STAB2: variants seen among roughly 807,000 people sequenced by gnomAD.
STAB2 encodes the protein stabilin-2.
In STAB2, 288 loss-of-function variants were observed where a neutral mutation model predicts 338.1. The observed-to-expected ratio is 0.85, with a 90% CI of 0.77 to 0.94. The LOEUF (loss-of-function observed/expected upper bound fraction) is 0.94. Ranked by LOEUF, STAB2 falls within the 40% of genes least tolerant of loss-of-function variation. STAB2 has a pLI of 0.00. For synonymous variants in STAB2, 1,202 were observed against 1,193.3 expected (o/e 1.01, Z -0.15); for missense variants, 3,141 against 3,210.1 (o/e 0.98, Z 0.52).
intron 68 of STAB2, chr12:103,765,928 A>G: frequency 2.7e-6 from 1 of 368,938 alleles, no homozygotes; most frequent in Admixed American, 3.7e-5. Context: ...AGTTTTTATA[A>G]TATTATTAGC....
intron 3 of STAB2, among the ~76,000 whole-genome samples, chr12:103,596,906 T>C (rs1413699433): frequency 8.0e-6 from 1 of 125,212 alleles, no homozygotes; most frequent in Non-Finnish European, 1.6e-5. Flanking sequence ...TGAGCCAAGA[T>C]CATGCCACTG....
At chr12:103,667,594 C>G (rs1218730043) in intron 19 of STAB2, among the ~76,000 whole-genome samples, 4 of 152,134 alleles carry the variant, frequency 2.6e-5, no homozygotes, top group Non-Finnish European at 4.4e-5. Flanking sequence ...AAAAGAAGCC[C>G]TCAAATCACC....
intron 12 of STAB2, 136 bp from the exon 13 acceptor site, chr12:103,654,419 G>A (rs1204572494): frequency 5.3e-6 from 5 of 940,430 alleles, no homozygotes; most frequent in Non-Finnish European, 7.7e-6. Context: ...CCCCACTTTA[G>A]ATTAAGTGAC....
intron 9 of STAB2, among the ~76,000 whole-genome samples, chr12:103,641,834 G>A (rs1425113297): frequency 6.6e-6 from 1 of 152,088 alleles, no homozygotes; most frequent in Non-Finnish European, 1.5e-5. Context: ...CAAATTGACT[G>A]TCTTCAGCCA....
intron 32 of STAB2, 25 bp from the exon 33 acceptor site, chr12:103,695,712 G>A (rs374979733): frequency 1.2e-6 from 2 of 1,613,924 alleles, no homozygotes; most frequent in African/African-American, 2.7e-5. Context: ...AATCCCTCAT[G>A]CACTCTTGTC....
At position 103,762,409 on chromosome 12, in the gene STAB2, G is replaced by A; in HGVS notation, c.7488+7G>A. 6.2e-7 allele frequency: 1 copy of A among 1,614,202 alleles called. No individual in the cohort carries two copies. Among genetic ancestry groups the A allele is most frequent in the Non-Finnish European group, 8.5e-7 (1 of 1,180,032 alleles). Reference sequence around the variant, plus strand: ...CGGCTTCCAGCATTTTGAGGTAAGAGAGAAAAATGGGAACATGATGATGGG... The same window carrying A: ...CGGCTTCCAGCATTTTGAGGTAAGAAAGAAAAATGGGAACATGATGATGGG... On this transcript the variant is annotated splice_region_variant and intron_variant, in intron 67 of 68. Coordinates refer to ENST00000388887, the MANE Select transcript of STAB2 (RefSeq NM_017564.10).
chr12:103,763,379 TA>T, intron 67 of STAB2, 112 bp from the exon 68 acceptor site: 3 of 793,126 alleles, frequency 3.8e-6, no homozygotes, highest in Non-Finnish European at 6.3e-6. Context: ...AAAGTACTGT[TA>T]AAAAAGGAAA....
chr12:103,656,092 C>T (rs961474389), intron 15 of STAB2, among the ~76,000 whole-genome samples: 1 of 152,214 alleles, frequency 6.6e-6, no homozygotes, highest in African/African-American at 2.4e-5. Context: ...ACATTCTCCT[C>T]TAAAAGGGCA....
intron 68 of STAB2, 35 bp downstream of exon 68, chr12:103,763,643 T>C: frequency 1.9e-6 from 3 of 1,565,758 alleles, no homozygotes; most frequent in Non-Finnish European, 2.6e-6. Flanking sequence ...ATAGGTTCCC[T>C]TGGGGTACAG....
intron 63 of STAB2, among the ~76,000 whole-genome samples, chr12:103,757,117 CTTG>C (rs1884190860): frequency 6.6e-6 from 1 of 150,528 alleles, no homozygotes; most frequent in African/African-American, 2.4e-5. Flanking sequence ...TTAAGAGAGT[CTTG>C]TTGTGTTGCC....
chr12:103,708,992 CA>C (rs1285438177), intron 39 of STAB2, among the ~76,000 whole-genome samples: 1 of 152,192 alleles, frequency 6.6e-6, no homozygotes, highest in Non-Finnish European at 1.5e-5. Context: ...TAACCATATT[CA>C]TTTAGTCAAA....
chr12:103,757,938 T>G, intron 63 of STAB2: 2 of 566,642 alleles, frequency 3.5e-6, no homozygotes, highest in Non-Finnish European at 6.2e-6. Context: ...AGCAGCCACG[T>G]GGAGGATGGG....
rs1344909609 is a variant in STAB2, at chr12:103,622,030, G to A, written c.418-12G>A. 3.7e-6 allele frequency: 6 copies of A among 1,613,984 alleles called. No homozygotes were observed. The highest frequency in any genetic ancestry group is 5.1e-6 in the Non-Finnish European group (6 of 1,180,010). ...CTTGGGTCTAATGTCAACCACCTGG[G>A]GTGTTTTGCAGGAAGGGTTTGGTGG... is the stretch of plus-strand genomic sequence containing the variant. On this transcript the variant is annotated splice_polypyrimidine_tract_variant and intron_variant, in intron 4 of 68. Transcript: ENST00000388887.
chr12:103,633,858 A>G (rs1358599502), intron 6 of STAB2, among the ~76,000 whole-genome samples: 1 of 152,200 alleles, frequency 6.6e-6, no homozygotes. Flanking sequence ...TATGAGAAAA[A>G]TGACAGTAAG....
At chr12:103,656,277 A>G (rs1360709187) in intron 15 of STAB2, among the ~76,000 whole-genome samples, 6 of 152,260 alleles carry the variant, frequency 3.9e-5, no homozygotes, top group Admixed American at 6.5e-5. Flanking sequence ...GTGCCCTGAA[A>G]CTATGCCACC....
At position 103,677,426 on chromosome 12, in the gene STAB2, G is replaced by A. The variant is rs182950086; in HGVS notation, c.2647-27G>A. 104 of 1,592,106 alleles carry A rather than the reference G, an allele frequency of 6.5e-5. 1 individual carries two copies. In the African/African-American group the frequency reaches 1.3e-3, roughly 20 times the overall value. ...ATGTGGCTGGACTGAGGATTCAGAGGCTTTGCTTTTTCTTTTCCTCCTGCA... is the reference window on the plus strand; with the variant it reads ...ATGTGGCTGGACTGAGGATTCAGAGACTTTGCTTTTTCTTTTCCTCCTGCA... On this transcript the variant is annotated intron_variant, in intron 24 of 68. Transcript: ENST00000388887.
intron 65 of STAB2, among the ~76,000 whole-genome samples, chr12:103,759,618 T>C (rs1275834343): frequency 2.0e-5 from 3 of 152,164 alleles, no homozygotes; most frequent in Admixed American, 2.0e-4. Context: ...GTTCTGCCAC[T>C]TGCTAACTGT....
At chr12:103,712,572 T>G in intron 41 of STAB2, 129 bp downstream of exon 41, 2 of 711,884 alleles carry the variant, frequency 2.8e-6, no homozygotes, top group South Asian at 3.2e-5. Flanking sequence ...TTGTATGTAA[T>G]GGGGCAGTTG....
At chr12:103,670,095 G>A (rs1004067725) in intron 21 of STAB2, among the ~76,000 whole-genome samples, 1 of 152,192 alleles carries the variant, frequency 6.6e-6, no homozygotes, top group Non-Finnish European at 1.5e-5. Context: ...TTCATACAGG[G>A]AAATTATACA....
Sources: allele counts gnomAD v4.1 joint callset (sites outside exome capture counted in the v4.1 genomes callset), GRCh38; gene constraint gnomAD v4.1.1; transcripts MANE v1.5; gene names NCBI Gene and HGNC (gene_info 2026-07-23, HGNC 2026-07-21).